TBC1D5: variants seen among roughly 807,000 people sequenced by gnomAD.
The protein encoded by TBC1D5 is TBC1 domain family member 5.
Under a neutral mutation model 100.3 loss-of-function variants are expected in TBC1D5, and 75 were observed. That is an observed-to-expected ratio of 0.75 (90% CI 0.62 to 0.91). The LOEUF (loss-of-function observed/expected upper bound fraction) is 0.91, where lower values mean the gene tolerates loss of function less well. Among genes scored for constraint, TBC1D5 ranks in the 40% least tolerant of loss-of-function variants. The pLI, the probability that TBC1D5 is intolerant of heterozygous loss-of-function variation, is 0.00. For synonymous variants in TBC1D5, 323 were observed against 325.6 expected (o/e 0.99, Z 0.09); for missense variants, 910 against 942.4 (o/e 0.97, Z 0.45).
chr3:17,311,992 G>T (rs187130420), intron 13 of TBC1D5, among the ~76,000 whole-genome samples: 1 of 152,186 alleles, frequency 6.6e-6, no homozygotes. Context: ...TCCAAGTTGT[G>T]TATTAGTATT....
At chr3:17,251,014 C>T (rs570889074) in intron 16 of TBC1D5, among the ~76,000 whole-genome samples, 44 of 152,182 alleles carry the variant, frequency 2.9e-4, no homozygotes, top group Admixed American at 5.9e-4. Flanking sequence ...AGCACCTTTC[C>T]TATTAGCAAA....
intron 2 of TBC1D5, among the ~76,000 whole-genome samples, chr3:17,564,437 C>G (rs1463968697): frequency 6.6e-6 from 1 of 152,144 alleles, no homozygotes; most frequent in Admixed American, 6.5e-5. Context: ...TACTACCCCC[C>G]TTAAGCTTCA....
intron 3 of TBC1D5, among the ~76,000 whole-genome samples, chr3:17,480,623 T>A (rs1242852471): frequency 6.6e-6 from 1 of 151,966 alleles, no homozygotes; most frequent in Non-Finnish European, 1.5e-5. Context: ...CGCTGGACAT[T>A]CATTAGGACA....
intron 18 of TBC1D5, among the ~76,000 whole-genome samples, chr3:17,186,973 C>A (rs2069201592): frequency 6.6e-6 from 1 of 152,068 alleles, no homozygotes; most frequent in South Asian, 2.1e-4. Flanking sequence ...CCTAACTCTG[C>A]AGCTGAGCAT....
At chr3:17,482,533 T>C (rs1289766225) in intron 3 of TBC1D5, among the ~76,000 whole-genome samples, 2 of 152,184 alleles carry the variant, frequency 1.3e-5, no homozygotes, top group African/African-American at 4.8e-5. Flanking sequence ...TGAAAGGAAA[T>C]TCATATTCAA....
At chr3:17,625,584 C>T (rs12374023) in intron 1 of TBC1D5, among the ~76,000 whole-genome samples, 2,511 of 152,164 alleles carry the variant, frequency 0.017, 52 homozygotes, top group South Asian at 0.047. Flanking sequence ...GGCATATTTA[C>T]ATTCATAATG....
At chr3:17,322,104 C>T (rs1214433473) in intron 13 of TBC1D5, among the ~76,000 whole-genome samples, 3 of 152,066 alleles carry the variant, frequency 2.0e-5, no homozygotes, top group Admixed American at 6.6e-5. Flanking sequence ...GGGGGAGGTA[C>T]AATGATTAAA....
intron 15 of TBC1D5, among the ~76,000 whole-genome samples, chr3:17,287,579 A>G (rs1319579007): frequency 6.6e-6 from 1 of 152,246 alleles, no homozygotes; most frequent in Non-Finnish European, 1.5e-5. Flanking sequence ...CCTACTGAAA[A>G]AAGTGAGGAA....
intron 4 of TBC1D5, among the ~76,000 whole-genome samples, chr3:17,424,298 G>A (rs577464627): frequency 5.3e-5 from 8 of 152,304 alleles, no homozygotes; most frequent in East Asian, 1.9e-4. Context: ...CTGGCAAGGG[G>A]CTTGCCTCTT....
chr3:17,666,254 C>A (rs1028542625), intron 1 of TBC1D5, among the ~76,000 whole-genome samples: 1 of 152,136 alleles, frequency 6.6e-6, no homozygotes, highest in Admixed American at 6.5e-5. Flanking sequence ...CATAAAAATA[C>A]GTATTGAGCA....
intron 2 of TBC1D5, among the ~76,000 whole-genome samples, chr3:17,546,582 G>A (rs1028995784): frequency 6.6e-6 from 1 of 151,606 alleles, no homozygotes; most frequent in Admixed American, 6.6e-5. Flanking sequence ...TGGGCAACAC[G>A]GTGAGACCCC....
intron 17 of TBC1D5, among the ~76,000 whole-genome samples, chr3:17,219,464 C>T (rs2074031752): frequency 7.0e-6 from 1 of 143,810 alleles, no homozygotes. Context: ...TTTGTGTGGG[C>T]CATACTTTCC....
chr3:17,352,015 A>C (rs2151692017), intron 13 of TBC1D5, among the ~76,000 whole-genome samples: 1 of 151,466 alleles, frequency 6.6e-6, no homozygotes, highest in Non-Finnish European at 1.5e-5. Context: ...AAAAAAAAAA[A>C]CCACACACAC....
At chr3:17,234,509 AG>A (rs2075705326) in intron 17 of TBC1D5, among the ~76,000 whole-genome samples, 1 of 151,748 alleles carries the variant, frequency 6.6e-6, no homozygotes, top group Admixed American at 6.6e-5. Context: ...GAAGAACCTG[AG>A]GTGCACTAAC....
intron 2 of TBC1D5, among the ~76,000 whole-genome samples, chr3:17,607,158 TA>T: frequency 6.6e-6 from 1 of 152,132 alleles, no homozygotes; most frequent in East Asian, 1.9e-4. Flanking sequence ...AAATAATTGT[TA>T]AACCTTCATT....
chr3:17,490,626 T>C (rs1029553186), intron 3 of TBC1D5, among the ~76,000 whole-genome samples: 1 of 151,868 alleles, frequency 6.6e-6, no homozygotes, highest in African/African-American at 2.4e-5. Context: ...ATGTTTGTAG[T>C]TGTGCAGTCT....
At chr3:17,705,704 G>A (rs2153903796) in intron 1 of TBC1D5, among the ~76,000 whole-genome samples, 1 of 139,912 alleles carries the variant, frequency 7.1e-6, no homozygotes, top group Admixed American at 7.0e-5. Flanking sequence ...GCTGGGAAGA[G>A]GCGCTCCTCA....
chr3:17,701,646 T>A (rs949282127), intron 1 of TBC1D5, among the ~76,000 whole-genome samples: 2 of 151,622 alleles, frequency 1.3e-5, no homozygotes, highest in African/African-American at 2.4e-5. Context: ...AAACAAAGAA[T>A]ATAAAAGAGA....
At chr3:17,430,576 C>T (rs974191564) in intron 3 of TBC1D5, among the ~76,000 whole-genome samples, 4 of 151,824 alleles carry the variant, frequency 2.6e-5, no homozygotes, top group Admixed American at 2.0e-4. Flanking sequence ...AATTGTTTCA[C>T]TAACAATATT....
Sources: gnomAD v4.1 joint callset for allele counts (sites outside exome capture counted in the v4.1 genomes callset) on GRCh38, gnomAD v4.1.1 for gene constraint, MANE v1.5 for transcripts, NCBI Gene and HGNC (gene_info 2026-07-23, HGNC 2026-07-21) for gene names.